ZFHX3: variants seen among roughly 807,000 people sequenced by gnomAD.
ZFHX3 encodes zinc finger homeobox protein 3.
In ZFHX3, 42 loss-of-function variants were observed where a neutral mutation model predicts 279.1. The ratio of observed to expected loss-of-function variants is 0.15; its 90% CI spans 0.12 to 0.19. The LOEUF (loss-of-function observed/expected upper bound fraction) is 0.19, where lower values mean the gene tolerates loss of function less well. ZFHX3 is among the 10% of genes least tolerant of loss of function. The probability of loss-of-function intolerance (pLI) is 1.00; values close to 1 mark genes in which losing one functional copy is unlikely to be tolerated. For synonymous variants in ZFHX3, 2,293 were observed against 1,957.8 expected (o/e 1.17, Z -4.52); for missense variants, 4,981 against 4,754.0 (o/e 1.05, Z -1.40).
intron 2 of ZFHX3, among the ~76,000 whole-genome samples, chr16:72,954,772 G>A (rs1465974730): frequency 1.3e-5 from 2 of 152,178 alleles, no homozygotes; most frequent in Non-Finnish European, 2.9e-5. Flanking sequence ...TGTACTAGGC[G>A]AAGGAGCCCC....
intron 6 of ZFHX3, among the ~76,000 whole-genome samples, chr16:73,141,476 T>C (rs916226164): frequency 6.6e-6 from 1 of 151,886 alleles, no homozygotes; most frequent in African/African-American, 2.4e-5. Context: ...TAGTTTATTA[T>C]AGCCTCGAAC....
intron 3 of ZFHX3, among the ~76,000 whole-genome samples, chr16:73,321,849 C>CAG (rs140029593): frequency 1.7e-4 from 26 of 150,578 alleles, no homozygotes; most frequent in East Asian, 3.9e-4. Context: ...GAGAAAAAGA[C>CAG]AGAGAGAGAG....
chr16:73,733,656 A>G (rs2053586959), intron 1 of ZFHX3, among the ~76,000 whole-genome samples: 1 of 152,206 alleles, frequency 6.6e-6, no homozygotes, highest in Non-Finnish European at 1.5e-5. Context: ...GTGTTGTATA[A>G]TATTAATTTT....
At chr16:73,096,543 T>C (rs2057071827) in intron 7 of ZFHX3, among the ~76,000 whole-genome samples, 1 of 151,336 alleles carries the variant, frequency 6.6e-6, no homozygotes. Context: ...GCTGGGATTA[T>C]AGGTGTGCAC....
intron 1 of ZFHX3, among the ~76,000 whole-genome samples, chr16:73,719,021 C>G (rs1193543112): frequency 6.6e-6 from 1 of 152,180 alleles, no homozygotes; most frequent in African/African-American, 2.4e-5. Context: ...CTGCTTAAGG[C>G]TGCCTGATTC....
intron 3 of ZFHX3, among the ~76,000 whole-genome samples, chr16:72,933,271 T>G (rs1472809574): frequency 1.3e-5 from 2 of 151,994 alleles, no homozygotes; most frequent in Non-Finnish European, 2.9e-5. Flanking sequence ...AAATAACCAA[T>G]CTGAGCCCTG....
intron 5 of ZFHX3, among the ~76,000 whole-genome samples, chr16:73,248,510 G>A (rs1392691533): frequency 6.6e-6 from 1 of 151,718 alleles, no homozygotes; most frequent in African/African-American, 2.4e-5. Context: ...ATGTGTGTGT[G>A]TAGATACCGT....
chr16:73,373,243 T>A (rs2016663508), intron 3 of ZFHX3, among the ~76,000 whole-genome samples: 1 of 152,168 alleles, frequency 6.6e-6, no homozygotes, highest in East Asian at 1.9e-4. Context: ...GGGTGGCTAT[T>A]CATTTCCTAG....
chr16:73,099,774 A>G (rs1966209334), intron 7 of ZFHX3, among the ~76,000 whole-genome samples: 2 of 151,894 alleles, frequency 1.3e-5, no homozygotes, highest in Admixed American at 1.3e-4. Context: ...CAGGAGGAAC[A>G]GACGTGGGGT....
At chr16:73,503,335 T>C (rs2019270972) in intron 2 of ZFHX3, among the ~76,000 whole-genome samples, 1 of 152,236 alleles carries the variant, frequency 6.6e-6, no homozygotes, top group South Asian at 2.1e-4. Context: ...CGAGGATGTC[T>C]GCGGTGTTGG....
chr16:73,555,870 G>A (rs1264577971), intron 2 of ZFHX3, among the ~76,000 whole-genome samples: 1 of 151,890 alleles, frequency 6.6e-6, no homozygotes, highest in African/African-American at 2.4e-5. Flanking sequence ...GCAGTTACGA[G>A]GTAAACAATA....
intron 6 of ZFHX3, among the ~76,000 whole-genome samples, chr16:73,135,662 T>G (rs1039073898): frequency 1.3e-5 from 2 of 152,048 alleles, no homozygotes; most frequent in African/African-American, 4.8e-5. Context: ...ATCAAATTGA[T>G]TGCCAACAAT....
intron 1 of ZFHX3, among the ~76,000 whole-genome samples, chr16:73,772,310 C>T (rs144283613): frequency 7.2e-5 from 11 of 152,262 alleles, no homozygotes; most frequent in South Asian, 4.1e-4. Context: ...GAAGGCAAGG[C>T]GGAGCAAGTC....
intron 2 of ZFHX3, among the ~76,000 whole-genome samples, chr16:73,548,916 A>C (rs71388974): frequency 0.093 from 14,118 of 152,236 alleles, 714 homozygotes; most frequent in African/African-American, 0.1. Context: ...AGTTCACTTC[A>C]GCAAATGAAA....
At chr16:73,668,056 T>G (rs542713546) in intron 2 of ZFHX3, among the ~76,000 whole-genome samples, 4 of 152,200 alleles carry the variant, frequency 2.6e-5, no homozygotes, top group Non-Finnish European at 4.4e-5. Flanking sequence ...GTTTCCTTCT[T>G]GAAAATGATA....
rs541620022 is a variant in ZFHX3 at position 73,792,526 on chromosome 16, C to T, written c.-1608+99125G>A. Among the ~76,000 whole-genome samples, 451 of 152,286 alleles carry T rather than the reference C, an allele frequency of 3.0e-3. 1 individual carries two copies. The highest frequency in any genetic ancestry group is 0.02 in the South Asian group (97 of 4,824). On this transcript the variant is annotated intron_variant, in intron 1 of 17. Transcript: ENST00000641206. ...TTATTAATTCTAAATACACTTTCCCCATTGGGTTTACGCTCGCATTTGTCC... is the reference window on the plus strand; with the variant it reads ...TTATTAATTCTAAATACACTTTCCCTATTGGGTTTACGCTCGCATTTGTCC...
At chr16:72,837,474 ATTTTTTTTTT>A (rs761762599) in intron 4 of ZFHX3, among the ~76,000 whole-genome samples, 134 of 125,188 alleles carry the variant, frequency 1.1e-3, no homozygotes, top group African/African-American at 3.8e-3. Context: ...TCCAATGATG[ATTTTTTTTTT>A]TTTTTTTTTT....
rs770049502 is a variant in ZFHX3 at position 72,795,104 on chromosome 16, C to A, written c.7578G>T (p.Gln2526His). ...ACTGGTCACACTGGTAGGGGATTAG[C>A]TGAGGAGGTAGGTTTGCGAGCTGTT... ...TPQQLANLPP[Q>H]LIPYQCDQCK... Residue 2526 changes from glutamine (Q) to histidine (H), a missense_variant, in exon 9 of 10, where the codon CAG (glutamine) becomes CAT (histidine). By Grantham distance (24) the Gln-to-His change is conservative. Coordinates refer to ENST00000268489, the MANE Select transcript of ZFHX3 (RefSeq NM_006885.4). 6.2e-7 allele frequency: 1 copy of A among 1,613,790 alleles called. No homozygotes were observed. Among genetic ancestry groups the A allele is most frequent in the Non-Finnish European group, 8.5e-7 (1 of 1,179,994 alleles).
At chr16:73,577,486 A>G (rs1230814274) in intron 2 of ZFHX3, among the ~76,000 whole-genome samples, 1 of 152,224 alleles carries the variant, frequency 6.6e-6, no homozygotes, top group Non-Finnish European at 1.5e-5. Flanking sequence ...AAGCTCATAA[A>G]TTGTATAGCT....
Sources: gnomAD v4.1 joint callset for allele counts (sites outside exome capture counted in the v4.1 genomes callset) on GRCh38, gnomAD v4.1.1 for gene constraint, MANE v1.5 for transcripts, NCBI Gene and HGNC (gene_info 2026-07-23, HGNC 2026-07-21) for gene names.